Variants in SPG7 observed in about 807,000 individuals in gnomAD.
SPG7 encodes SPG7 matrix AAA peptidase subunit, paraplegin, also known as mitochondrial inner membrane m-AAA protease component paraplegin.
Under a neutral mutation model 81.9 loss-of-function variants are expected in SPG7, and 103 were observed. That is an observed-to-expected ratio of 1.26 (90% CI 1.07 to 1.48). The LOEUF is 1.48. Among genes scored for constraint, SPG7 ranks in the 40% most tolerant of loss-of-function variants. SPG7 has a pLI of 0.00. For missense variants in SPG7, 1,241 were observed against 1,087.3 expected (o/e 1.14, Z -1.99); for synonymous variants, 534 against 444.2 (o/e 1.20, Z -2.54).
At chr16:89,543,270 C>CAGT (rs1555615435) in intron 9 of SPG7, 2 of 148,296 alleles carry the variant, frequency 1.3e-5, no homozygotes, top group African/African-American at 5.0e-5. Flanking sequence ...ACATTAGTCA[C>CAGT]GGGTCCTGTT....
At chr16:89,535,698 G>T (rs929156127) in intron 9 of SPG7, among the ~76,000 whole-genome samples, 3 of 152,182 alleles carry the variant, frequency 2.0e-5, no homozygotes, top group Admixed American at 2.0e-4. Flanking sequence ...TGGGGTTCAG[G>T]GACCCCACCG....
intron 14 of SPG7, 106 bp downstream of exon 14, chr16:89,553,241 T>G: frequency 8.9e-7 from 1 of 1,129,056 alleles, no homozygotes; most frequent in Non-Finnish European, 1.3e-6. Context: ...AGACGTAGCT[T>G]TGAATTTATT....
At chr16:89,529,312 C>T (rs553339630) in intron 5 of SPG7, 165 bp from the exon 6 acceptor site, 18 of 663,826 alleles carry the variant, frequency 2.7e-5, no homozygotes, top group East Asian at 5.5e-5. Flanking sequence ...GAGAATGAGA[C>T]GAGAGAACCC....
chr16:89,516,385 TACCAA>T (rs2058096522), intron 3 of SPG7, among the ~76,000 whole-genome samples: 2 of 148,500 alleles, frequency 1.3e-5, no homozygotes, highest in Non-Finnish European at 3.0e-5. Flanking sequence ...CTACTAAAAA[TACCAA>T]AAAAAAAAAA....
chr16:89,547,909 G>A (rs575811825), intron 11 of SPG7, 94 bp from the exon 12 acceptor site: 35 of 931,078 alleles, frequency 3.8e-5, no homozygotes, highest in East Asian at 2.9e-4. Flanking sequence ...CACCATGCCC[G>A]GCCATCTTTG....
At chr16:89,516,922 GAAA>G (rs1163489683) in intron 3 of SPG7, 1 of 151,688 alleles carries the variant, frequency 6.6e-6, no homozygotes, top group Non-Finnish European at 1.5e-5. Context: ...CAAAAAAAAA[GAAA>G]AAAGAAAAAA....
rs2058701709 is a variant in SPG7 at position 89,557,676 on chromosome 16, T to C, written c.*583T>C. The C allele has an allele frequency of 1.2e-5, 2 of 163,080 alleles. No individual in the cohort carries two copies. The highest frequency in any genetic ancestry group is 4.8e-5 in the African/African-American group (2 of 41,586). The allele number at this position is 163,080 out of a possible 1,614,324, so 10.1% of individuals were successfully genotyped here. A position where few individuals can be genotyped will look rare whatever the true frequency, so the allele number is the denominator to read the frequency against. On this transcript the variant is annotated 3_prime_UTR_variant, in exon 17 of 17. Transcript: ENST00000645818. ...AGTTGAGGACTTCTTGCTGGTCTAG[T>C]CACGCATGCAGTGTTGGGGATGCCT...
At chr16:89,554,310 G>A (rs1027405719) in intron 15 of SPG7, among the ~76,000 whole-genome samples, 176 bp from the exon 16 acceptor site, 6 of 152,162 alleles carry the variant, frequency 3.9e-5, no homozygotes, top group African/African-American at 9.7e-5. Flanking sequence ...GCTGGCATGC[G>A]GAGCCCTGCT....
chr16:89,557,036 G>C lies in SPG7; in HGVS notation c.2331G>C (p.Glu777Asp), dbSNP rs1219631893. The C allele has an allele frequency of 6.2e-7, 1 of 1,612,882 alleles. No individual in the cohort carries two copies. The highest frequency in any genetic ancestry group is 8.5e-7 in the Non-Finnish European group (1 of 1,180,024). Residue 777 changes from glutamate (E) to aspartate (D), a missense_variant, in exon 17 of 17, where the codon GAG becomes GAC. Glu to Asp is a conservative substitution (Grantham distance 45, BLOSUM62 2). Coordinates refer to ENST00000645818, the MANE Select transcript of SPG7 (RefSeq NM_003119.4). ...AGAAACAGGACTTGGGCGAGGAGGAGACCGAAGAGACCCAGCAGCCTCCAC... is the reference window on the plus strand; with the variant it reads ...AGAAACAGGACTTGGGCGAGGAGGACACCGAAGAGACCCAGCAGCCTCCAC... ...QREKQDLGEE[E>D]TEETQQPPLG...
chr16:89,540,882 C>G (rs1211666348), intron 9 of SPG7: 1 of 983,982 alleles, frequency 1.0e-6, no homozygotes, highest in Admixed American at 6.1e-5. Flanking sequence ...TAGCTAAAAA[C>G]TGGAAGTGAC....
Position 89,544,645 on chromosome 16 carries a change from C to CAGGAATGGGTACCACAGACCA in SPG7, c.1325-2_1343dup, listed in dbSNP as rs772397467. 3 of 1,613,990 alleles carry CAGGAATGGGTACCACAGACCA rather than the reference C, an allele frequency of 1.9e-6. No homozygotes were observed. The African/African-American group carries it at 4.0e-5, about 22-fold the overall frequency. On this transcript the variant is annotated splice_polypyrimidine_tract_variant and splice_region_variant and intron_variant, in intron 9 of 16. Coordinates refer to ENST00000645818, the MANE Select transcript of SPG7 (RefSeq NM_003119.4). ...AGAGCCACTGTCTGCTCTGTCCCCT[C>CAGGAATGGGTACCACAGACCA]AGGAATGGGTACCACAGACCATGTC...
At chr16:89,533,788 C>T (rs1369527440) in intron 9 of SPG7, 3 of 151,814 alleles carry the variant, frequency 2.0e-5, no homozygotes, top group Non-Finnish European at 2.9e-5. Flanking sequence ...TATTTTTCTT[C>T]TGAGCTAGTT....
intron 15 of SPG7, 104 bp downstream of exon 15, chr16:89,554,064 C>A: frequency 8.2e-7 from 1 of 1,224,444 alleles, no homozygotes; most frequent in South Asian, 1.3e-5. Flanking sequence ...CGGAGCTCAG[C>A]TGCAGGCCCC....
chr16:89,508,419 TG>T lies in SPG7; in HGVS notation c.4del (p.Ala2?), dbSNP rs2057957943. 1 of 1,488,982 alleles carries T rather than the reference TG, an allele frequency of 6.7e-7. No homozygotes were observed. The highest frequency in any genetic ancestry group is 8.9e-7 in the Non-Finnish European group (1 of 1,126,236). The allele number at this position is 1,488,982 out of a possible 1,614,324, so 92.2% of individuals were successfully genotyped here. On this transcript the variant is annotated frameshift_variant and start_lost, in exon 1 of 17. Coordinates refer to ENST00000645818, the MANE Select transcript of SPG7 (RefSeq NM_003119.4). LOFTEE classifies it high-confidence loss of function. Reference protein sequence around the residue: MAVLLLLLRAL... With the variant: XAVLLLLLRAL... Reference sequence around the variant, plus strand: ...CGCAGGCGCGGCTTTCAGGCCAACATGGCCGTGCTGCTGCTGCTGCTCCGTG... The same window carrying T: ...CGCAGGCGCGGCTTTCAGGCCAACATGCCGTGCTGCTGCTGCTGCTCCGTG...
At chr16:89,509,481 C>A (rs1469074828) in intron 1 of SPG7, among the ~76,000 whole-genome samples, 1 of 152,132 alleles carries the variant, frequency 6.6e-6, no homozygotes, top group African/African-American at 2.4e-5. Flanking sequence ...CATCTCTTGA[C>A]CTTGTGATCC....
At position 89,529,513 on chromosome 16, in the gene SPG7, G is replaced by C. The variant is rs758689746; in HGVS notation, c.795G>C (p.Leu265=). 1 of 1,613,916 alleles carries C rather than the reference G, an allele frequency of 6.2e-7. No individual in the cohort carries two copies. The highest frequency in any genetic ancestry group is 8.5e-7 in the Non-Finnish European group (1 of 1,179,868). ...LYSVGMTAVG[L]AILWYVFRLA... ...CTGTGGGGATGACGGCAGTGGGCCT[G>C]GCCATCCTGTGGTATGTTTTCCGTC... is the stretch of plus-strand genomic sequence containing the variant. The change falls in exon 6 of 17, where the codon CTG becomes CTC. Residue 265 remains leucine (L), a synonymous_variant. Transcript: ENST00000645818.
intron 13 of SPG7, 67 bp from the exon 14 acceptor site, chr16:89,552,912 C>T (rs2058650213): frequency 2.0e-6 from 3 of 1,521,986 alleles, no homozygotes; most frequent in Non-Finnish European, 2.7e-6. Flanking sequence ...CCTCTTAGTC[C>T]CACACCTTCC....
rs1395014153 is a variant in SPG7, at chr16:89,557,268, G to A, written c.*175G>A. ...CCTTTTCATGATTTTAAGTTTCTCT[G>A]CAGAAACTACTGACGGAGTCCTGTG... is the stretch of plus-strand genomic sequence containing the variant. On this transcript the variant is annotated 3_prime_UTR_variant, in exon 17 of 17. Transcript: ENST00000645818. 5 of 605,036 alleles carry A rather than the reference G, an allele frequency of 8.3e-6. No homozygotes were observed. In the East Asian group the frequency reaches 1.1e-4, roughly 13 times the overall value. 37.5% of individuals were successfully genotyped at this position (605,036 alleles called of 1,614,324 possible).
chr16:89,537,444 CGTA>C, intron 9 of SPG7: 1 of 1,018,122 alleles, frequency 9.8e-7, no homozygotes, highest in Non-Finnish European at 1.2e-6. Flanking sequence ...CTCCCTTCAA[CGTA>C]GTCATCCCCT....
Sources: gnomAD v4.1 joint callset for allele counts (sites outside exome capture counted in the v4.1 genomes callset) on GRCh38, gnomAD v4.1.1 for gene constraint, MANE v1.5 for transcripts, NCBI Gene and HGNC (gene_info 2026-07-23, HGNC 2026-07-21) for gene names.